The following ELOVL3 variants were observed in gnomAD, a reference collection of about 807,000 sequenced individuals.
ELOVL3 encodes very long chain fatty acid elongase 3.
ELOVL3 carries 11 observed loss-of-function variants against 14.9 expected under a neutral mutation model. The ratio of observed to expected loss-of-function variants is 0.74; its 90% CI spans 0.46 to 1.22. ELOVL3 has a LOEUF of 1.22. Ranked by LOEUF, ELOVL3 falls within the 50% of genes most tolerant of loss-of-function variation. The probability of loss-of-function intolerance (pLI) is 0.00; values close to 1 mark genes in which losing one functional copy is unlikely to be tolerated. For synonymous variants in ELOVL3, 117 were observed against 124.7 expected (o/e 0.94, Z 0.41); for missense variants, 277 against 338.9 (o/e 0.82, Z 1.43).
upstream of ELOVL3, among the ~76,000 whole-genome samples, chr10:102,225,929 C>T (rs903313946): frequency 2.0e-5 from 3 of 152,124 alleles, no homozygotes; most frequent in Non-Finnish European, 4.4e-5. Context: ...ATTTGCTCAT[C>T]ACAGGCCTGG....
At chr10:102,226,696 G>T in intron 1 of ELOVL3, 47 bp downstream of exon 1, 5 of 1,352,908 alleles carry the variant, frequency 3.7e-6, no homozygotes, top group Non-Finnish European at 5.3e-6. Context: ...CCCGGGGCCG[G>T]GGCGCGAGGG....
rs2070180466 is a variant in ELOVL3 at position 102,229,467 on chromosome 10, G to A, written c.*215G>A. The A allele has an allele frequency of 1.9e-6, 1 of 536,914 alleles. No individual in the cohort carries two copies. Among genetic ancestry groups the A allele is most frequent in the Non-Finnish European group, 3.3e-6 (1 of 302,330 alleles). The allele number at this position is 536,914 out of a possible 1,614,324, so 33.3% of individuals were successfully genotyped here. ...TTAATGTTTCTGTTTTTAATGTGAA[G>A]GCCAAGCAGGCCCTGGGATGGGAGT... is the stretch of plus-strand genomic sequence containing the variant. On this transcript the variant is annotated 3_prime_UTR_variant, in exon 4 of 4. Transcript: ENST00000370005.
upstream of ELOVL3, among the ~76,000 whole-genome samples, chr10:102,226,018 CCTCT>C (rs1423851706): frequency 6.6e-6 from 1 of 152,148 alleles, no homozygotes; most frequent in East Asian, 1.9e-4. Context: ...GGACACCTTT[CCTCT>C]CTCTTCACTG....
Position 102,227,764 on chromosome 10 carries a change from C to T in ELOVL3, c.233+7C>T, listed in dbSNP as rs1223653012. On this transcript the variant is annotated splice_region_variant and intron_variant, in intron 2 of 3. Transcript: ENST00000370005. Reference sequence around the variant, plus strand: ...TCTGCCTTGCAATCTTCAGGTAAGACCCCATCCCACTCCCTGCCTCTTCTC... The same window carrying T: ...TCTGCCTTGCAATCTTCAGGTAAGATCCCATCCCACTCCCTGCCTCTTCTC... 4.3e-6 allele frequency: 7 copies of T among 1,613,202 alleles called. No individual in the cohort carries two copies. The East Asian group carries it at 6.7e-5, about 15-fold the overall frequency.
At chr10:102,227,797 T>C in intron 2 of ELOVL3, 40 bp downstream of exon 2, 1 of 1,607,998 alleles carries the variant, frequency 6.2e-7, no homozygotes, top group Non-Finnish European at 8.5e-7. Context: ...CTCTAGATCT[T>C]AGACCACCAT....
At chr10:102,228,229 G>A (rs10748816) in intron 2 of ELOVL3, among the ~76,000 whole-genome samples, 188 bp from the exon 3 acceptor site, 87,817 of 151,892 alleles carry the variant, frequency 0.58, 26,849 homozygotes, top group African/African-American at 0.79. Context: ...TCCAGCCCTC[G>A]TCTCCTCTAG....
At position 102,229,044 on chromosome 10, in the gene ELOVL3, T is replaced by C. The variant is rs1489631571; in HGVS notation, c.605T>C (p.Ile202Thr). ...VKPPKMLPML[I>T]TSLQILQMFV... Reference sequence around the variant, plus strand: ...CCCCCCAAGATGCTGCCCATGCTCATCACCAGCCTGCAGATCTTGCAGATG... The same window carrying C: ...CCCCCCAAGATGCTGCCCATGCTCACCACCAGCCTGCAGATCTTGCAGATG... The change falls in exon 4 of 4, where the codon ATC becomes ACC. Residue 202 changes from isoleucine to threonine, a missense_variant. Ile to Thr is a moderately conservative substitution (Grantham distance 89). Coordinates refer to ENST00000370005, the MANE Select transcript of ELOVL3 (RefSeq NM_152310.3). 3.7e-6 allele frequency: 6 copies of C among 1,614,050 alleles called. No individual in the cohort carries two copies. Among genetic ancestry groups the C allele is most frequent in the African/African-American group, 2.7e-5 (2 of 74,912 alleles).
At chr10:102,227,794 T>A in intron 2 of ELOVL3, 37 bp downstream of exon 2, 1 of 1,608,976 alleles carries the variant, frequency 6.2e-7, no homozygotes, top group South Asian at 1.1e-5. Context: ...CTTCTCTAGA[T>A]CTTAGACCAC....
Position 102,228,634 on chromosome 10 carries a change from C to T in ELOVL3, c.385+66C>T, listed in dbSNP as rs1265622114. 3 of 1,576,042 alleles carry T rather than the reference C, an allele frequency of 1.9e-6. No individual in the cohort carries two copies. The East Asian group carries it at 6.7e-5, about 35-fold the overall frequency. ...GCATCCTTCCTCAGGGCCCTCCCTT[C>T]ACCCATCCCATGGAGGGTCTCTTTC... is the stretch of plus-strand genomic sequence containing the variant. On this transcript the variant is annotated intron_variant, in intron 3 of 3. Transcript: ENST00000370005.
In ELOVL3 at chr10:102,228,547, C is replaced by T. The variant is rs1174956852; in HGVS notation, c.364C>T (p.Leu122Phe). 1.9e-6 allele frequency: 3 copies of T among 1,614,148 alleles called. No homozygotes were observed. Among genetic ancestry groups the T allele is most frequent in the Admixed American group, 1.7e-5 (1 of 60,012 alleles). ...TVKFWSWVFL[L>F]SKVIELGDTA... ...CAAATTCTGGTCCTGGGTCTTTCTTCTCAGCAAGGTCATAGAACTCGGTGA... is the reference window on the plus strand; with the variant it reads ...CAAATTCTGGTCCTGGGTCTTTCTTTTCAGCAAGGTCATAGAACTCGGTGA... The change falls in exon 3 of 4, where the codon CTC (leucine) becomes TTC (phenylalanine). Residue 122 changes from leucine (L) to phenylalanine (F), a missense_variant. Coordinates refer to ENST00000370005, the MANE Select transcript of ELOVL3 (RefSeq NM_152310.3).
upstream of ELOVL3, among the ~76,000 whole-genome samples, chr10:102,225,261 G>A (rs541041475): frequency 1.8e-4 from 27 of 152,304 alleles, 1 homozygote; most frequent in South Asian, 5.4e-3. Flanking sequence ...GGCACTGATA[G>A]GACTTCCACT....
At chr10:102,228,283 C>G (rs2070155916) in intron 2 of ELOVL3, 134 bp from the exon 3 acceptor site, 1 of 877,330 alleles carries the variant, frequency 1.1e-6, no homozygotes, top group Admixed American at 2.7e-5. Flanking sequence ...ATCTCAGGAG[C>G]TTTGACCCAC....
intron 1 of ELOVL3, among the ~76,000 whole-genome samples, chr10:102,226,890 AGAGAGCGTGTAGTGAGAAGGGTCTTG>A (rs1279506945): frequency 1.3e-5 from 2 of 152,070 alleles, no homozygotes; most frequent in East Asian, 3.9e-4. Context: ...CAGAAGTCAA[AGAGAGCGTGTAGTGAGAAGGGTCTTG>A]GAGGCGTGAG....
upstream of ELOVL3, among the ~76,000 whole-genome samples, chr10:102,225,063 C>T (rs1044180825): frequency 6.6e-6 from 1 of 152,122 alleles, no homozygotes; most frequent in Non-Finnish European, 1.5e-5. Flanking sequence ...ACCTATAGGA[C>T]CAGAATCTCT....
chr10:102,228,308 T>G (rs1590403114), intron 2 of ELOVL3, 109 bp from the exon 3 acceptor site: 3 of 1,189,156 alleles, frequency 2.5e-6, no homozygotes, highest in Non-Finnish European at 3.6e-6. Flanking sequence ...TGTGGACAGG[T>G]GGGGAGGTGG....
At chr10:102,226,217 G>C (rs2070133798), upstream of ELOVL3, 1 of 238,376 alleles carries the variant, frequency 4.2e-6, no homozygotes, top group African/African-American at 2.3e-5. Flanking sequence ...GCGGGCCCTT[G>C]AGTATGACCA....
Position 102,228,465 on chromosome 10 carries a change from T to A in ELOVL3, c.282T>A (p.Leu94=), listed in dbSNP as rs1295985941. Residue 94 remains leucine, a synonymous_variant, in exon 3 of 4, where the codon CTT becomes CTA. Coordinates refer to ENST00000370005, the MANE Select transcript of ELOVL3 (RefSeq NM_152310.3). Reference sequence around the variant, plus strand: ...GGGGCATTATGGGGACTGTGCTACTTACCGGGGGCCTAAAGCAAACCGTGT... The same window carrying A: ...GGGGCATTATGGGGACTGTGCTACTAACCGGGGGCCTAAAGCAAACCGTGT... ...RMWGIMGTVL[L]TGGLKQTVCF... The A allele has an allele frequency of 3.1e-6, 5 of 1,614,118 alleles. No homozygotes were observed. Among genetic ancestry groups the A allele is most frequent in the Non-Finnish European group, 4.2e-6 (5 of 1,179,994 alleles).
Position 102,228,819 on chromosome 10 carries a change from T to A in ELOVL3, c.386-6T>A. ...GGTATGCCAACTATGACTCTCCATC[T>A]CCCAGGAGACACAGCCTTCATCATC... On this transcript the variant is annotated splice_region_variant and splice_polypyrimidine_tract_variant and intron_variant, in intron 3 of 3. Coordinates refer to ENST00000370005, the MANE Select transcript of ELOVL3 (RefSeq NM_152310.3). The A allele has an allele frequency of 6.2e-7, 1 of 1,602,870 alleles. No homozygotes were observed. Among genetic ancestry groups the A allele is most frequent in the Non-Finnish European group, 8.5e-7 (1 of 1,173,164 alleles).
At position 102,226,605 on chromosome 10, in the gene ELOVL3, C is replaced by G; in HGVS notation, c.57C>G (p.Asn19Lys). The G allele has an allele frequency of 3.1e-6, 5 of 1,614,098 alleles. 1 individual carries two copies. The South Asian group carries it at 5.5e-5, about 18-fold the overall frequency. Residue 19 changes from asparagine to lysine, a missense_variant, in exon 1 of 4, where the codon AAC becomes AAG. Transcript: ENST00000370005. ...TAAATCAGCTGTTCCAGCCCTATAA[C>G]TTCGAGCTGTCCAAGGACATGAGGC... ...HEVNQLFQPY[N>K]FELSKDMRPF...
Sources: gnomAD v4.1 joint callset for allele counts (sites outside exome capture counted in the v4.1 genomes callset) on GRCh38, gnomAD v4.1.1 for gene constraint, MANE v1.5 for transcripts, NCBI Gene and HGNC (gene_info 2026-07-23, HGNC 2026-07-21) for gene names.